Variants in ELAPOR2 observed in about 807,000 individuals in gnomAD.
ELAPOR2 encodes the protein endosome-lysosome associated apoptosis and autophagy regulator family member 2, also known as endosome/lysosome-associated apoptosis and autophagy regulator family member 2.
A neutral mutation model predicts 120.7 loss-of-function variants in ELAPOR2; 89 were observed. The ratio of observed to expected loss-of-function variants is 0.74; its 90% CI spans 0.62 to 0.88. The LOEUF is 0.88. Among genes scored for constraint, ELAPOR2 ranks in the 40% least tolerant of loss-of-function variants. The pLI is 0.00. For synonymous variants in ELAPOR2, 444 were observed against 444.9 expected (o/e 1.00, Z 0.03); for missense variants, 1,134 against 1,251.6 (o/e 0.91, Z 1.42).
chr7:87,023,558 G>A (rs970861150), intron 1 of ELAPOR2, among the ~76,000 whole-genome samples: 7 of 152,004 alleles, frequency 4.6e-5, no homozygotes, highest in Non-Finnish European at 7.4e-5. Flanking sequence ...GCTCTTTTTT[G>A]GTTCCATATT....
intron 1 of ELAPOR2, among the ~76,000 whole-genome samples, chr7:87,000,723 A>G (rs1344247016): frequency 2.6e-5 from 4 of 152,200 alleles, no homozygotes; most frequent in African/African-American, 9.7e-5. Flanking sequence ...AGTGTTTTCA[A>G]TCACAAAAAC....
At chr7:86,909,301 A>T (rs1584336358) in intron 16 of ELAPOR2, among the ~76,000 whole-genome samples, 1 of 152,172 alleles carries the variant, frequency 6.6e-6, no homozygotes, top group East Asian at 1.9e-4. Context: ...ATCCCTAAGA[A>T]TCACCCATTA....
At chr7:86,942,126 C>T (rs1332550097) in intron 4 of ELAPOR2, 22 bp from the exon 5 acceptor site, 1 of 1,410,492 alleles carries the variant, frequency 7.1e-7, no homozygotes, top group East Asian at 2.5e-5. Context: ...ACACAAGAGC[C>T]CTAGTAAAGT....
At chr7:87,048,876 G>T (rs1584044279) in intron 1 of ELAPOR2, among the ~76,000 whole-genome samples, 1 of 152,326 alleles carries the variant, frequency 6.6e-6, no homozygotes, top group East Asian at 1.9e-4. Flanking sequence ...AGAGTATACA[G>T]TTTATGTCCT....
chr7:87,059,103 G>C (rs1400586271), intron 1 of ELAPOR2, among the ~76,000 whole-genome samples: 3 of 151,846 alleles, frequency 2.0e-5, no homozygotes, highest in African/African-American at 7.3e-5. Context: ...AAAGACACAA[G>C]CGCGGACAGA....
At chr7:87,041,057 T>A (rs1562981664) in intron 1 of ELAPOR2, among the ~76,000 whole-genome samples, 1 of 151,864 alleles carries the variant, frequency 6.6e-6, no homozygotes, top group African/African-American at 2.4e-5. Context: ...AAGGGAAGTT[T>A]AGAGAAAAAA....
chr7:86,880,630 C>G (rs1257397866), intron 21 of ELAPOR2, 100 bp from the exon 22 acceptor site: 2 of 764,608 alleles, frequency 2.6e-6, no homozygotes, highest in Non-Finnish European at 4.4e-6. Flanking sequence ...TCATTTTAAC[C>G]TATCTAGTTG....
rs1789143849 is a variant in ELAPOR2 at position 86,908,560 on chromosome 7, A to G, written c.2360-17T>C. The G allele has an allele frequency of 8.3e-7, 1 of 1,200,918 alleles. No individual in the cohort carries two copies. Among genetic ancestry groups the G allele is most frequent in the Admixed American group, 2.2e-5 (1 of 44,918 alleles). The allele number at this position is 1,200,918 out of a possible 1,614,324, so 74.4% of individuals were successfully genotyped here. On this transcript the variant is annotated splice_polypyrimidine_tract_variant and intron_variant, in intron 16 of 21. Transcript: ENST00000450689. ...CTGTGACTCCTAGATGACATTTAAA[A>G]AGAAACTATTAAGCAATATGGAAAA...
At chr7:87,011,264 A>AAAAAAAAAAAAAAAG (rs1554404742) in intron 1 of ELAPOR2, among the ~76,000 whole-genome samples, 4 of 133,800 alleles carry the variant, frequency 3.0e-5, no homozygotes, top group African/African-American at 9.2e-5. Context: ...AAAAAAAAAA[A>AAAAAAAAAAAAAAAG]AAAAGAAAAG....
chr7:86,887,176 T>C (rs755772925), intron 21 of ELAPOR2, among the ~76,000 whole-genome samples: 2 of 152,116 alleles, frequency 1.3e-5, no homozygotes, highest in African/African-American at 4.8e-5. Flanking sequence ...GTCACTCATG[T>C]AGATGCCCAG....
At chr7:86,912,848 C>A in intron 14 of ELAPOR2, 93 bp downstream of exon 14, 1 of 1,429,126 alleles carries the variant, frequency 7.0e-7, no homozygotes, top group Admixed American at 2.0e-5. Flanking sequence ...AAATAGCAAC[C>A]TCATAGCTCC....
At position 86,880,531 on chromosome 7, in the gene ELAPOR2, CT is replaced by C; in HGVS notation, c.3031-2del. On this transcript the variant is annotated splice_acceptor_variant, in intron 21 of 21. Transcript: ENST00000450689. LOFTEE classifies it high-confidence loss of function. Reference sequence around the variant, plus strand: ...CAGATTCAAAATGGTCTTCTTTTTCCTAAGAAAAAATATTAAAGACAAAATC... The same window carrying C: ...CAGATTCAAAATGGTCTTCTTTTTCCAAGAAAAAATATTAAAGACAAAATC... The C allele has an allele frequency of 6.3e-7, 1 of 1,586,980 alleles. No homozygotes were observed. Among genetic ancestry groups the C allele is most frequent in the African/African-American group, 1.3e-5 (1 of 74,142 alleles).
intron 2 of ELAPOR2, among the ~76,000 whole-genome samples, chr7:86,955,301 G>A (rs183043584): frequency 1.8e-4 from 27 of 152,142 alleles, no homozygotes; most frequent in African/African-American, 6.3e-4. Context: ...CATTAAAACA[G>A]GCCATTTCTT....
At chr7:87,034,431 T>A (rs1794517287) in intron 1 of ELAPOR2, among the ~76,000 whole-genome samples, 1 of 152,098 alleles carries the variant, frequency 6.6e-6, no homozygotes, top group African/African-American at 2.4e-5. Context: ...TTGCTGCATT[T>A]TTCTGGAATG....
At chr7:86,889,663 T>C (rs1054378185) in intron 21 of ELAPOR2, among the ~76,000 whole-genome samples, 1 of 152,062 alleles carries the variant, frequency 6.6e-6, no homozygotes, top group Non-Finnish European at 1.5e-5. Context: ...GAATTTTCCA[T>C]GTAATGTTTG....
Position 86,891,578 on chromosome 7 carries a change from T to C in ELAPOR2, c.3030+146A>G, listed in dbSNP as rs4728652. The C allele has an allele frequency of 2.9e-3, 1,754 of 602,092 alleles. 19 individuals carry two copies. The East Asian group carries it at 0.032, about 11-fold the overall frequency. The allele number at this position is 602,092 out of a possible 1,614,324, so 37.3% of individuals were successfully genotyped here. ...AGTGAATATTATTGTATCTATATCA[T>C]GTGCTTCTAAGAGTATTTCTGTTGG... On this transcript the variant is annotated intron_variant, in intron 21 of 21. Transcript: ENST00000450689.
In ELAPOR2 at chr7:86,878,358, T is replaced by A. The variant is rs1799247936; in HGVS notation, c.*2113A>T. The A allele has an allele frequency of 6.6e-6, 1 of 152,242 alleles. No individual in the cohort carries two copies. Among genetic ancestry groups the A allele is most frequent in the African/African-American group, 2.4e-5 (1 of 41,472 alleles). The allele number at this position is 152,242 out of a possible 1,614,324, so 9.4% of individuals were successfully genotyped here. On this transcript the variant is annotated 3_prime_UTR_variant, in exon 22 of 22. Transcript: ENST00000450689. ...ATCACCTCCTTCCCAAAGATGGGACTGTGCTGACAAAATATATTTAATATC... is the reference window on the plus strand; with the variant it reads ...ATCACCTCCTTCCCAAAGATGGGACAGTGCTGACAAAATATATTTAATATC...
intron 1 of ELAPOR2, among the ~76,000 whole-genome samples, chr7:86,979,562 T>C (rs1792392133): frequency 6.6e-6 from 1 of 152,234 alleles, no homozygotes; most frequent in South Asian, 2.1e-4. Flanking sequence ...AGTACATTAA[T>C]TGGCAGATGC....
chr7:87,059,475 G>A lies in ELAPOR2; in HGVS notation c.39C>T (p.Gly13=). The A allele has an allele frequency of 1.6e-6, 2 of 1,215,512 alleles. No homozygotes were observed. Among genetic ancestry groups the A allele is most frequent in the Non-Finnish European group, 2.0e-6 (2 of 975,964 alleles). The allele number at this position is 1,215,512 out of a possible 1,614,324, so 75.3% of individuals were successfully genotyped here. ...GGGGAGCCTCCGCCGGCCGCCCCCAGCCCCTGCCCCGTACCGGCCCCCGGG... is the reference window on the plus strand; with the variant it reads ...GGGGAGCCTCCGCCGGCCGCCCCCAACCCCTGCCCCGTACCGGCCCCCGGG... ...FRARGPVRGR[G]WGRPAEAPRR... is the part of the protein sequence containing the mutation. The change falls in exon 1 of 22, where the codon GGC becomes GGT. Residue 13 remains glycine (G), a synonymous_variant. Coordinates refer to ENST00000450689, the MANE Select transcript of ELAPOR2 (RefSeq NM_001142749.3).
Sources: allele counts gnomAD v4.1 joint callset (sites outside exome capture counted in the v4.1 genomes callset), GRCh38; gene constraint gnomAD v4.1.1; transcripts MANE v1.5; gene names NCBI Gene and HGNC (gene_info 2026-07-23, HGNC 2026-07-21).